Variants in TRIP11 observed in about 807,000 individuals in gnomAD.
TRIP11 encodes the protein thyroid receptor-interacting protein 11.
Under a neutral mutation model 223.1 loss-of-function variants are expected in TRIP11, and 148 were observed. That is an observed-to-expected ratio of 0.66 (90% CI 0.58 to 0.76). TRIP11 has a LOEUF of 0.76. Ranked by LOEUF, TRIP11 falls within the 30% of genes least tolerant of loss-of-function variation. TRIP11 has a pLI of 0.00. For synonymous variants in TRIP11, 762 were observed against 772.6 expected, an observed-to-expected ratio of 0.99 and a Z score of 0.23; for missense variants, 2,043 against 2,222.0, an observed-to-expected ratio of 0.92 and a Z score of 1.62.
At chr14:91,973,986 C>G (rs1318994581) in intron 19 of TRIP11, among the ~76,000 whole-genome samples, 2 of 152,220 alleles carry the variant, frequency 1.3e-5, no homozygotes, top group Non-Finnish European at 2.9e-5. Context: ...CAAGATCGCA[C>G]CACTGCACTC....
chr14:91,994,994 T>G (rs1234695239), intron 14 of TRIP11, among the ~76,000 whole-genome samples: 1 of 152,180 alleles, frequency 6.6e-6, no homozygotes, highest in Non-Finnish European at 1.5e-5. Context: ...ACCTAACTAT[T>G]CTTTGTATGT....
chr14:92,002,027 C>T (rs1595384853), intron 11 of TRIP11, among the ~76,000 whole-genome samples: 1 of 152,194 alleles, frequency 6.6e-6, no homozygotes, highest in African/African-American at 2.4e-5. Flanking sequence ...TTATGCCTGG[C>T]AGCAAGTAAT....
rs1218270149 is a variant in TRIP11, at chr14:92,021,835, T to C, written c.313-4A>G. On this transcript the variant is annotated splice_polypyrimidine_tract_variant and splice_region_variant and intron_variant, in intron 3 of 20. Coordinates refer to ENST00000267622, the MANE Select transcript of TRIP11 (RefSeq NM_004239.4). ...CTTTAAGATGGCTGATTTCTACCTA[T>C]ATATTTATAATCCAAGTTTTAGAGA... The C allele has an allele frequency of 9.3e-6, 15 of 1,613,152 alleles. No individual in the cohort carries two copies. Among genetic ancestry groups the C allele is most frequent in the Non-Finnish European group, 1.2e-5 (14 of 1,179,986 alleles).
chr14:91,989,414 T>G (rs1199101590), intron 15 of TRIP11, among the ~76,000 whole-genome samples: 1 of 151,892 alleles, frequency 6.6e-6, no homozygotes, highest in Non-Finnish European at 1.5e-5. Flanking sequence ...TTAAATTAGT[T>G]TAGGTTTTAG....
intron 7 of TRIP11, among the ~76,000 whole-genome samples, chr14:92,013,264 C>T (rs1007361936): frequency 1.3e-5 from 2 of 151,996 alleles, no homozygotes; most frequent in Non-Finnish European, 2.9e-5. Flanking sequence ...GAGACTCTGT[C>T]TCAAAAAAAC....
At chr14:91,977,761 T>C (rs2056486030) in intron 16 of TRIP11, among the ~76,000 whole-genome samples, 1 of 152,168 alleles carries the variant, frequency 6.6e-6, no homozygotes, top group African/African-American at 2.4e-5. Context: ...TTCATTCTGC[T>C]CTGTACAATG....
In TRIP11 at chr14:91,967,015, T is replaced by C. The variant is rs1487991821; in HGVS notation, c.*2658A>G. ...GTTCAGTGAGCAGGTGGTTCATCTC[T>C]GACACAACTAAGTTTCAGAAAAGTC... On this transcript the variant is annotated 3_prime_UTR_variant, in exon 21 of 21. Coordinates refer to ENST00000267622, the MANE Select transcript of TRIP11 (RefSeq NM_004239.4). 3.5e-5 allele frequency: 7 copies of C among 202,296 alleles called. No individual in the cohort carries two copies. The highest frequency in any genetic ancestry group is 9.2e-5 in the African/African-American group (4 of 43,644). The allele number at this position is 202,296 out of a possible 1,614,324, so 12.5% of individuals were successfully genotyped here.
rs985413950 is a variant in TRIP11, at chr14:91,978,246, C to T, written c.5261-2057G>A. On this transcript the variant is annotated intron_variant, in intron 16 of 20. Transcript: ENST00000267622. This position sits in a 1 kb window ranked among gnomAD's most constrained non-coding sequence, Gnocchi z 4.4. ...TCTCTCGTCACTGTTTTGACTTAAC[C>T]GTCCCACTCACAAACTAAAGTAGGA... Among the ~76,000 whole-genome samples the T allele has an allele frequency of 1.2e-4, 18 of 152,016 alleles. No homozygotes were observed. Among genetic ancestry groups the T allele is most frequent in the African/African-American group, 4.1e-4 (17 of 41,372 alleles).
At chr14:91,994,504 A>G (rs1238149445) in intron 14 of TRIP11, among the ~76,000 whole-genome samples, 1 of 152,152 alleles carries the variant, frequency 6.6e-6, no homozygotes, top group Non-Finnish European at 1.5e-5. Context: ...TTGGCCTCCC[A>G]AAGTGCTGGG....
intron 5 of TRIP11, 60 bp downstream of exon 5, chr14:92,017,622 T>C: frequency 2.3e-6 from 3 of 1,317,592 alleles, no homozygotes; most frequent in Admixed American, 1.8e-5. Context: ...TTCAGGCCTA[T>C]GCTTTTAATA....
At chr14:91,997,991 C>T (rs1421156144) in intron 13 of TRIP11, among the ~76,000 whole-genome samples, 2 of 152,092 alleles carry the variant, frequency 1.3e-5, no homozygotes, top group Non-Finnish European at 2.9e-5. Context: ...CAAATGATCA[C>T]TCATTGTTTT....
Position 92,005,206 on chromosome 14 carries a change from G to A in TRIP11, c.2770C>T (p.Gln924Ter), listed in dbSNP as rs770102794. The change falls in exon 11 of 21, where the codon CAG (glutamine) becomes TAG (stop). Residue 924 changes from glutamine (Q) to a stop codon, truncating the protein, a stop_gained. Coordinates refer to ENST00000267622, the MANE Select transcript of TRIP11 (RefSeq NM_004239.4). LOFTEE classifies it high-confidence loss of function. Reference protein sequence around the residue: ...HHQKIIEDQNQSKMQLLQSLQ... With the variant: ...HHQKIIEDQN Reference sequence around the variant, plus strand: ...GACTGAAGTAGTTGCATCTTACTCTGGTTTTGATCTTCAATTATCTTTTGA... The same window carrying A: ...GACTGAAGTAGTTGCATCTTACTCTAGTTTTGATCTTCAATTATCTTTTGA... 2 of 1,614,024 alleles carry A rather than the reference G, an allele frequency of 1.2e-6. No individual in the cohort carries two copies. Among genetic ancestry groups the A allele is most frequent in the Admixed American group, 1.7e-5 (1 of 60,022 alleles).
rs967546466 is a variant in TRIP11 at position 92,039,880 on chromosome 14, G to C, written c.-195C>G. 9 of 1,131,936 alleles carry C rather than the reference G, an allele frequency of 8.0e-6. No individual in the cohort carries two copies. Among genetic ancestry groups the C allele is most frequent in the Non-Finnish European group, 1.1e-5 (9 of 808,014 alleles). 70.1% of individuals were successfully genotyped at this position (1,131,936 alleles called of 1,614,324 possible). On this transcript the variant is annotated 5_prime_UTR_variant, in exon 1 of 21. Coordinates refer to ENST00000267622, the MANE Select transcript of TRIP11 (RefSeq NM_004239.4). ...GAGGCCTGGCCTGGAATTTTACCAG[G>C]GGCCCGCCTCTAGTGACACAGTCAC...
chr14:91,967,137 T>TTTTTTTTTTTTG lies in TRIP11; in HGVS notation c.*2535_*2536insCAAAAAAAAAAA, dbSNP rs2056349814. ...AATGAAAACATTAGGTACTATAGCT[T>TTTTTTTTTTTTG]TTTTTTTTTTTTTTTTTTTTTTGAG... On this transcript the variant is annotated 3_prime_UTR_variant, in exon 21 of 21. Transcript: ENST00000267622. 1 of 66,266 alleles carries TTTTTTTTTTTTG rather than the reference T, an allele frequency of 1.5e-5. No individual in the cohort carries two copies. The highest frequency in any genetic ancestry group is 3.2e-5 in the Non-Finnish European group (1 of 31,208). 4.1% of individuals were successfully genotyped at this position (66,266 alleles called of 1,614,324 possible). A position where few individuals can be genotyped will look rare whatever the true frequency, so the allele number is the denominator to read the frequency against.
Position 92,004,701 on chromosome 14 carries a change from T to C in TRIP11, c.3275A>G (p.Gln1092Arg). ...QDVVYLQQQLQAYAMEREKVF... is the reference protein window; with the variant it reads ...QDVVYLQQQLRAYAMEREKVF... ...CTTTTCTCTTTCCATAGCATAAGCCTGCAGTTGCTGTTGAAGGTAAACAAC... is the reference window on the plus strand; with the variant it reads ...CTTTTCTCTTTCCATAGCATAAGCCCGCAGTTGCTGTTGAAGGTAAACAAC... Residue 1092 changes from glutamine (Q) to arginine (R), a missense_variant, in exon 11 of 21, where the codon CAG becomes CGG. Gln to Arg is a conservative substitution (Grantham distance 43, BLOSUM62 1). Transcript: ENST00000267622. The C allele has an allele frequency of 6.2e-7, 1 of 1,614,160 alleles. No homozygotes were observed. The highest frequency in any genetic ancestry group is 8.5e-7 in the Non-Finnish European group (1 of 1,180,020).
At chr14:91,999,905 A>T in intron 12 of TRIP11, 63 bp downstream of exon 12, 1 of 1,596,854 alleles carries the variant, frequency 6.3e-7, no homozygotes, top group Admixed American at 1.7e-5. Context: ...TCACCTTTCC[A>T]GTTCTCTTAA....
chr14:92,025,954 T>C (rs139610254), intron 2 of TRIP11, among the ~76,000 whole-genome samples: 89 of 152,012 alleles, frequency 5.9e-4, no homozygotes, highest in African/African-American at 2.1e-3. Context: ...CAGTGAAATA[T>C]TAACATTTTG....
chr14:92,011,164 A>G, intron 8 of TRIP11, 92 bp from the exon 9 acceptor site: 3 of 1,152,426 alleles, frequency 2.6e-6, no homozygotes, highest in Non-Finnish European at 3.9e-6. Flanking sequence ...GTTTCTATTC[A>G]GTATTTCTTT....
At chr14:92,028,141 T>C (rs1322220320) in intron 2 of TRIP11, among the ~76,000 whole-genome samples, 2 of 152,210 alleles carry the variant, frequency 1.3e-5, no homozygotes, top group African/African-American at 4.8e-5. Flanking sequence ...AGGTTTTTTT[T>C]CACACAAAAA....
Sources: allele counts gnomAD v4.1 joint callset (sites outside exome capture counted in the v4.1 genomes callset), GRCh38; gene constraint gnomAD v4.1.1; non-coding constraint Gnocchi (gnomAD v3.1); transcripts MANE v1.5; gene names NCBI Gene and HGNC (gene_info 2026-07-23, HGNC 2026-07-21).